The following DPP6 variants were observed in gnomAD, a reference collection of about 807,000 sequenced individuals.
DPP6 encodes A-type potassium channel modulatory protein DPP6.
A neutral mutation model predicts 122.6 loss-of-function variants in DPP6; 69 were observed. That is an observed-to-expected ratio of 0.56 (90% CI 0.46 to 0.69). DPP6 has a LOEUF of 0.69. DPP6 is among the 30% of genes least tolerant of loss of function. DPP6 has a pLI of 0.00. For missense variants in DPP6, 928 were observed against 1,116.9 expected (o/e 0.83, Z 2.41); for synonymous variants, 418 against 433.1 (o/e 0.97, Z 0.43).
chr7:154,053,476 C>T, intron 1 of DPP6, among the ~76,000 whole-genome samples: 1 of 151,088 alleles, frequency 6.6e-6, no homozygotes, highest in Non-Finnish European at 1.5e-5. Context: ...CAGCCTCAGG[C>T]ACCTTCTCTC....
chr7:153,945,238 T>C lies in DPP6; in HGVS notation c.51+57504T>C, dbSNP rs146409453. The stretch of plus-strand genomic sequence containing the variant: ...GTTTACTTGTTGATTGTGCATCTGC[T>C]TTCTTCTCTTTTTGTATTTTTTGTG... On this transcript the variant is annotated intron_variant, in intron 1 of 25. Transcript: ENST00000404039. Among the ~76,000 whole-genome samples the C allele has an allele frequency of 1.8e-3, 276 of 152,334 alleles. 3 individuals are homozygous for C. Among genetic ancestry groups the C allele is most frequent in the East Asian group, 4.8e-3 (25 of 5,182 alleles).
chr7:154,075,425 G>T (rs1285084011), intron 1 of DPP6, among the ~76,000 whole-genome samples: 1 of 151,722 alleles, frequency 6.6e-6, no homozygotes, highest in Non-Finnish European at 1.5e-5. Context: ...ATCAACCAAG[G>T]AGTAGAGAAA....
chr7:154,849,192 C>A (rs985275509), intron 16 of DPP6, among the ~76,000 whole-genome samples: 5 of 152,008 alleles, frequency 3.3e-5, no homozygotes, highest in African/African-American at 9.7e-5. Context: ...TGAAAAAAAT[C>A]AATTTCCTTC....
At chr7:153,954,537 G>A (rs1802368560) in intron 1 of DPP6, among the ~76,000 whole-genome samples, 1 of 152,164 alleles carries the variant, frequency 6.6e-6, no homozygotes, top group African/African-American at 2.4e-5. Flanking sequence ...ACTTGGGTAG[G>A]CCTTGGTGCC....
intron 16 of DPP6, among the ~76,000 whole-genome samples, chr7:154,812,906 T>C (rs1039689109): frequency 2.6e-5 from 4 of 152,344 alleles, no homozygotes; most frequent in African/African-American, 9.6e-5. Context: ...TAATTTTTCA[T>C]TAACATTTCT....
intron 6 of DPP6, among the ~76,000 whole-genome samples, chr7:154,644,703 T>A (rs1038735529): frequency 1.7e-5 from 2 of 121,114 alleles, no homozygotes; most frequent in South Asian, 6.1e-4. Flanking sequence ...AATCTTAAAA[T>A]GGCTTTTTTT....
chr7:154,328,887 T>C (rs1160818958), intron 1 of DPP6, among the ~76,000 whole-genome samples: 1 of 152,198 alleles, frequency 6.6e-6, no homozygotes. Flanking sequence ...TTCATGGACA[T>C]GACCAGATCC....
chr7:154,482,791 G>A (rs1468918558), intron 3 of DPP6, among the ~76,000 whole-genome samples: 1 of 152,196 alleles, frequency 6.6e-6, no homozygotes, highest in African/African-American at 2.4e-5. Flanking sequence ...AAAAGCCATG[G>A]TGAGTGACAA....
intron 1 of DPP6, among the ~76,000 whole-genome samples, chr7:154,322,194 C>G (rs911001875): frequency 6.6e-6 from 1 of 152,142 alleles, no homozygotes; most frequent in African/African-American, 2.4e-5. Context: ...GCCACCTGGC[C>G]TGGGGACGAA....
intron 1 of DPP6, among the ~76,000 whole-genome samples, chr7:154,174,275 G>A (rs1045210430): frequency 4.6e-5 from 7 of 152,234 alleles, no homozygotes; most frequent in South Asian, 2.1e-4. Context: ...ACAACCTTAC[G>A]TGGTTGGGGA....
At chr7:154,256,986 TTTC>T (rs774129790) in intron 1 of DPP6, among the ~76,000 whole-genome samples, 36 of 141,878 alleles carry the variant, frequency 2.5e-4, no homozygotes, top group East Asian at 2.4e-3. Context: ...TCTTTTTCTT[TTTC>T]TTCTTCTTCT....
At chr7:154,045,873 C>T (rs1219626721) in intron 1 of DPP6, among the ~76,000 whole-genome samples, 3 of 152,176 alleles carry the variant, frequency 2.0e-5, no homozygotes, top group Admixed American at 1.3e-4. Flanking sequence ...TAGAACGTAG[C>T]GCAATGAATG....
chr7:154,285,122 C>T (rs886136274), intron 1 of DPP6, among the ~76,000 whole-genome samples: 1 of 152,116 alleles, frequency 6.6e-6, no homozygotes, highest in African/African-American at 2.4e-5. Context: ...CATTTATTGC[C>T]ACTGAATTAA....
At chr7:153,936,488 T>C (rs187447266) in intron 1 of DPP6, among the ~76,000 whole-genome samples, 2 of 152,196 alleles carry the variant, frequency 1.3e-5, no homozygotes, top group East Asian at 3.9e-4. Context: ...AGACAGAGTC[T>C]GGGACTGAGT....
chr7:154,387,307 C>T (rs1302298944), intron 1 of DPP6, among the ~76,000 whole-genome samples: 1 of 125,882 alleles, frequency 7.9e-6, no homozygotes, highest in East Asian at 2.4e-4. Flanking sequence ...CAGTCCTTGC[C>T]CTCAGGGAAC....
chr7:153,923,620 G>T (rs1242951047), intron 1 of DPP6, among the ~76,000 whole-genome samples: 4 of 151,976 alleles, frequency 2.6e-5, no homozygotes, highest in Non-Finnish European at 5.9e-5. Context: ...AATTAGCCGG[G>T]CATGGTGGCG....
intron 6 of DPP6, among the ~76,000 whole-genome samples, chr7:154,659,942 T>TC (rs1837510296): frequency 6.6e-6 from 1 of 152,234 alleles, no homozygotes; most frequent in Non-Finnish European, 1.5e-5. Context: ...GTAGCTATTG[T>TC]CCCCATAGGA....
At chr7:154,476,882 A>G (rs1240656004) in intron 3 of DPP6, among the ~76,000 whole-genome samples, 1 of 152,142 alleles carries the variant, frequency 6.6e-6, no homozygotes, top group Non-Finnish European at 1.5e-5. Flanking sequence ...GCTTGAATCC[A>G]GGAATTTGAG....
chr7:154,787,244 A>G (rs1797390139), intron 10 of DPP6, among the ~76,000 whole-genome samples: 1 of 152,202 alleles, frequency 6.6e-6, no homozygotes, highest in African/African-American at 2.4e-5. Flanking sequence ...GTAGGTAACT[A>G]CTGTGAGAAA....
Sources: allele counts gnomAD v4.1 joint callset (sites outside exome capture counted in the v4.1 genomes callset), GRCh38; gene constraint gnomAD v4.1.1; transcripts MANE v1.5; gene names NCBI Gene and HGNC (gene_info 2026-07-23, HGNC 2026-07-21).